The following AGBL4 variants were observed in gnomAD, a reference collection of about 807,000 sequenced individuals.
The protein encoded by AGBL4 is cytosolic carboxypeptidase 6.
AGBL4 carries 58 observed loss-of-function variants against 66.4 expected under a neutral mutation model. That is an observed-to-expected ratio of 0.87 (90% CI 0.71 to 1.09). The LOEUF (loss-of-function observed/expected upper bound fraction) is 1.09, where lower values mean the gene tolerates loss of function less well. Ranked by LOEUF, AGBL4 falls within the 50% of genes least tolerant of loss-of-function variation. The probability of loss-of-function intolerance (pLI) is 0.00; values close to 1 mark genes in which losing one functional copy is unlikely to be tolerated. For synonymous variants in AGBL4, 234 were observed against 222.9 expected (o/e 1.05, Z -0.44); for missense variants, 579 against 631.0 (o/e 0.92, Z 0.88).
At chr1:49,094,063 A>G (rs1645047726) in intron 4 of AGBL4, among the ~76,000 whole-genome samples, 1 of 152,222 alleles carries the variant, frequency 6.6e-6, no homozygotes, top group Non-Finnish European at 1.5e-5. Context: ...ACAGAAAACT[A>G]GAGCTCTGGC....
rs373884199 is a variant in AGBL4 at position 48,586,991 on chromosome 1, G to A, written c.1267+13C>T. On this transcript the variant is annotated intron_variant, in intron 11 of 13. Transcript: ENST00000371839. ...TGAGGGCTGGCCCAAGGCTGGGTGGGGACTAAGGATACAGGCTTCTTCAGT... is the reference window on the plus strand; with the variant it reads ...TGAGGGCTGGCCCAAGGCTGGGTGGAGACTAAGGATACAGGCTTCTTCAGT... 50 of 1,609,982 alleles carry A rather than the reference G, an allele frequency of 3.1e-5. No homozygotes were observed. The highest frequency in any genetic ancestry group is 4.1e-5 in the Non-Finnish European group (48 of 1,178,344).
At chr1:49,098,807 T>C (rs1037004831) in intron 4 of AGBL4, among the ~76,000 whole-genome samples, 4 of 152,216 alleles carry the variant, frequency 2.6e-5, no homozygotes, top group Non-Finnish European at 4.4e-5. Flanking sequence ...CACACTGCCT[T>C]TCTCCCACAT....
intron 3 of AGBL4, among the ~76,000 whole-genome samples, chr1:49,504,952 T>G (rs1648541176): frequency 6.6e-6 from 1 of 152,042 alleles, no homozygotes; most frequent in Admixed American, 6.6e-5. Context: ...TTCCCTGTGA[T>G]TAAATGATTT....
intron 3 of AGBL4, among the ~76,000 whole-genome samples, chr1:49,511,622 T>A (rs60785911): frequency 0.042 from 6,409 of 151,322 alleles, 389 homozygotes; most frequent in African/African-American, 0.14. Flanking sequence ...AAATTTTTTT[T>A]TAAAAAAATT....
chr1:49,980,141 T>TG (rs1252418967), intron 1 of AGBL4, among the ~76,000 whole-genome samples: 3 of 152,054 alleles, frequency 2.0e-5, no homozygotes, highest in Non-Finnish European at 4.4e-5. Flanking sequence ...AGTAAAGTTT[T>TG]GGGGGGGTCT....
intron 2 of AGBL4, among the ~76,000 whole-genome samples, chr1:49,729,804 T>C (rs1649293686): frequency 6.6e-6 from 1 of 151,924 alleles, no homozygotes; most frequent in Non-Finnish European, 1.5e-5. Context: ...AAAAATGAGA[T>C]ATATTGATAG....
chr1:48,946,125 C>T (rs1477763555), intron 5 of AGBL4, among the ~76,000 whole-genome samples: 1 of 152,194 alleles, frequency 6.6e-6, no homozygotes, highest in Non-Finnish European at 1.5e-5. Flanking sequence ...TCTCCCGTTA[C>T]TCCTTCTCAT....
intron 1 of AGBL4, among the ~76,000 whole-genome samples, chr1:49,952,595 C>T (rs1302040459): frequency 6.6e-6 from 1 of 151,892 alleles, no homozygotes; most frequent in Non-Finnish European, 1.5e-5. Context: ...AAATTCAGCA[C>T]CTCTGACTCC....
At chr1:48,633,373 T>G (rs1645621315) in intron 9 of AGBL4, among the ~76,000 whole-genome samples, 1 of 152,214 alleles carries the variant, frequency 6.6e-6, no homozygotes, top group Non-Finnish European at 1.5e-5. Flanking sequence ...GTTACATTGG[T>G]GCATCTCTGA....
At chr1:49,987,968 C>T (rs527536712) in intron 1 of AGBL4, among the ~76,000 whole-genome samples, 3 of 151,518 alleles carry the variant, frequency 2.0e-5, no homozygotes, top group African/African-American at 7.2e-5. Flanking sequence ...AAAAAAAAAC[C>T]CCTATTCTTT....
intron 3 of AGBL4, among the ~76,000 whole-genome samples, chr1:49,574,823 G>C (rs1644403087): frequency 6.6e-6 from 1 of 151,590 alleles, no homozygotes. Flanking sequence ...GACTAATCAT[G>C]ATGTTCCTAG....
intron 6 of AGBL4, among the ~76,000 whole-genome samples, chr1:48,786,176 AGAG>A (rs1490179824): frequency 1.3e-5 from 2 of 152,238 alleles, no homozygotes; most frequent in Non-Finnish European, 1.5e-5. Context: ...ATACAAAATC[AGAG>A]GAGAGAAATG....
chr1:49,850,992 AT>A (rs1646288702), intron 2 of AGBL4, among the ~76,000 whole-genome samples: 1 of 152,038 alleles, frequency 6.6e-6, no homozygotes, highest in Non-Finnish European at 1.5e-5. Context: ...CTGCTATCTA[AT>A]TGTTTTATAG....
chr1:49,023,295 C>T (rs1162089546), intron 5 of AGBL4, among the ~76,000 whole-genome samples: 1 of 152,070 alleles, frequency 6.6e-6, no homozygotes, highest in Admixed American at 6.6e-5. Flanking sequence ...CAGGTCTGGG[C>T]CAGCAACTAA....
intron 2 of AGBL4, among the ~76,000 whole-genome samples, chr1:49,729,272 A>C (rs1649252741): frequency 6.6e-6 from 1 of 152,222 alleles, no homozygotes; most frequent in East Asian, 1.9e-4. Flanking sequence ...GCAGCAGAAA[A>C]TCACTAAATA....
At chr1:49,307,958 G>C (rs139461258) in intron 3 of AGBL4, among the ~76,000 whole-genome samples, 1 of 152,072 alleles carries the variant, frequency 6.6e-6, no homozygotes, top group African/African-American at 2.4e-5. Context: ...GGTGGGGCCC[G>C]GTGGGAGGTG....
chr1:49,764,761 G>C (rs990641552), intron 2 of AGBL4, among the ~76,000 whole-genome samples: 1 of 152,090 alleles, frequency 6.6e-6, no homozygotes, highest in Non-Finnish European at 1.5e-5. Context: ...TCAGAGAACA[G>C]AGGATCCATA....
At chr1:48,731,204 A>G (rs1324429447) in intron 6 of AGBL4, among the ~76,000 whole-genome samples, 2 of 152,180 alleles carry the variant, frequency 1.3e-5, no homozygotes, top group African/African-American at 4.8e-5. Flanking sequence ...AACAGCTCAA[A>G]TAATTAGGCT....
intron 6 of AGBL4, among the ~76,000 whole-genome samples, chr1:48,853,318 C>T (rs902649908): frequency 6.6e-6 from 1 of 152,162 alleles, no homozygotes; most frequent in African/African-American, 2.4e-5. Context: ...ATGAGAGACC[C>T]CAAGCCAAAA....
Sources: gnomAD v4.1 joint callset for allele counts (sites outside exome capture counted in the v4.1 genomes callset) on GRCh38, gnomAD v4.1.1 for gene constraint, MANE v1.5 for transcripts, NCBI Gene and HGNC (gene_info 2026-07-23, HGNC 2026-07-21) for gene names.